The following KCNU1 variants were observed in gnomAD, a reference collection of about 807,000 sequenced individuals.
KCNU1 encodes the protein potassium channel subfamily U member 1.
A neutral mutation model predicts 126.8 loss-of-function variants in KCNU1; 93 were observed. The ratio of observed to expected loss-of-function variants is 0.73; its 90% CI spans 0.62 to 0.87. KCNU1 has a LOEUF of 0.87. KCNU1 is among the 40% of genes least tolerant of loss of function. The pLI is 0.00. For synonymous variants in KCNU1, 523 were observed against 494.2 expected, an observed-to-expected ratio of 1.06 and a Z score of -0.77; for missense variants, 1,330 against 1,367.1, an observed-to-expected ratio of 0.97 and a Z score of 0.43.
intron 18 of KCNU1, among the ~76,000 whole-genome samples, chr8:36,848,081 CATACTTAT>C (rs1303548217): frequency 6.6e-6 from 1 of 152,190 alleles, no homozygotes; most frequent in East Asian, 1.9e-4. Context: ...TGATGTTAAA[CATACTTAT>C]ATACCATTTG....
chr8:36,864,323 A>G (rs1437392368), intron 18 of KCNU1, 81 bp from the exon 19 acceptor site: 3 of 878,428 alleles, frequency 3.4e-6, no homozygotes, highest in Non-Finnish European at 3.9e-6. Flanking sequence ...AGGGTCTATA[A>G]ATGGCTCAGC....
At chr8:36,788,124 C>T (rs1041034097) in intron 2 of KCNU1, among the ~76,000 whole-genome samples, 1 of 151,904 alleles carries the variant, frequency 6.6e-6, no homozygotes, top group Admixed American at 6.6e-5. Flanking sequence ...TTTAGTGTCC[C>T]TCTATGATAT....
rs777401369 is a variant in KCNU1 at position 36,933,042 on chromosome 8, C to T, written c.3044+10C>T. On this transcript the variant is annotated intron_variant, in intron 26 of 26. Coordinates refer to ENST00000399881, the MANE Select transcript of KCNU1 (RefSeq NM_001031836.3). Reference sequence around the variant, plus strand: ...ACCCAGAAAACAAAAGGGGAGTGTGCTAGATTGGAAAGCACCATCCACCCA... The same window carrying T: ...ACCCAGAAAACAAAAGGGGAGTGTGTTAGATTGGAAAGCACCATCCACCCA... The T allele has an allele frequency of 6.1e-6, 9 of 1,478,160 alleles. No homozygotes were observed. The highest frequency in any genetic ancestry group is 8.3e-6 in the Non-Finnish European group (9 of 1,079,138). 91.6% of individuals were successfully genotyped at this position (1,478,160 alleles called of 1,614,324 possible).
At chr8:36,787,270 C>G (rs145661283) in intron 1 of KCNU1, 36 bp from the exon 2 acceptor site, 203 of 1,567,338 alleles carry the variant, frequency 1.3e-4, no homozygotes, top group Non-Finnish European at 1.7e-4. Flanking sequence ...CTCTCAGATC[C>G]AGCTCACATT....
At chr8:36,926,003 A>G (rs1808518401) in intron 24 of KCNU1, among the ~76,000 whole-genome samples, 1 of 152,066 alleles carries the variant, frequency 6.6e-6, no homozygotes, top group Non-Finnish European at 1.5e-5. Context: ...ACCTTTTCCT[A>G]CATAGATCTC....
chr8:36,792,898 G>A (rs776247599), intron 2 of KCNU1, among the ~76,000 whole-genome samples: 4 of 151,930 alleles, frequency 2.6e-5, no homozygotes, highest in Admixed American at 6.6e-5. Flanking sequence ...ATCTATAAAC[G>A]TAAACCATGA....
intron 19 of KCNU1, among the ~76,000 whole-genome samples, chr8:36,900,856 A>G (rs757584038): frequency 4.3e-4 from 66 of 152,226 alleles, no homozygotes; most frequent in Admixed American, 1.2e-3. Context: ...CTGGACACAC[A>G]AATGCTTTTC....
chr8:36,922,008 C>T (rs1233825565), intron 23 of KCNU1, among the ~76,000 whole-genome samples: 6 of 152,168 alleles, frequency 3.9e-5, no homozygotes, highest in Non-Finnish European at 8.8e-5. Flanking sequence ...ATGTGCATTA[C>T]ATTTTGAAAG....
intron 7 of KCNU1, among the ~76,000 whole-genome samples, chr8:36,811,352 G>A (rs931422635): frequency 1.3e-5 from 2 of 151,960 alleles, no homozygotes; most frequent in African/African-American, 4.8e-5. Context: ...GACGTCCTGG[G>A]ATAAAAAAGA....
At chr8:36,835,715 C>T (rs1167037039) in intron 12 of KCNU1, among the ~76,000 whole-genome samples, 1 of 152,066 alleles carries the variant, frequency 6.6e-6, no homozygotes, top group Non-Finnish European at 1.5e-5. Flanking sequence ...CTAGCAAGAA[C>T]GTGACTTGTG....
Position 36,814,671 on chromosome 8 carries a change from A to G in KCNU1, c.903+294A>G, listed in dbSNP as rs139789407. ...ACCTATCTTCCTTCATAGTTTGCCC[A>G]TCAACTTAAAGTCTTTCTTCTAAAG... On this transcript the variant is annotated intron_variant, in intron 8 of 26. Coordinates refer to ENST00000399881, the MANE Select transcript of KCNU1 (RefSeq NM_001031836.3). Among the ~76,000 whole-genome samples, 55 of 152,334 alleles carry G rather than the reference A, an allele frequency of 3.6e-4. No individual in the cohort carries two copies. In the East Asian group the frequency reaches 8.3e-3, roughly 23 times the overall value.
At chr8:36,833,050 T>C (rs1333727926) in intron 10 of KCNU1, among the ~76,000 whole-genome samples, 7 of 152,278 alleles carry the variant, frequency 4.6e-5, no homozygotes, top group Non-Finnish European at 1.0e-4. Context: ...TTGTAATGTG[T>C]TGAGGCTTTC....
intron 26 of KCNU1, among the ~76,000 whole-genome samples, chr8:36,935,121 A>G (rs1274892763): frequency 2.6e-5 from 4 of 152,078 alleles, no homozygotes; most frequent in Non-Finnish European, 5.9e-5. Context: ...TCATGAGTAT[A>G]GTGTCTTTTA....
At chr8:36,836,475 T>C in intron 13 of KCNU1, 110 bp downstream of exon 13, 4 of 740,682 alleles carry the variant, frequency 5.4e-6, no homozygotes. Flanking sequence ...TAATCATAGG[T>C]AAAATTTGGA....
At chr8:36,927,065 C>A (rs1585577418) in intron 24 of KCNU1, among the ~76,000 whole-genome samples, 1 of 152,214 alleles carries the variant, frequency 6.6e-6, no homozygotes, top group Non-Finnish European at 1.5e-5. Context: ...CTCCACCGCC[C>A]CTAATAAACA....
Position 36,807,438 on chromosome 8 carries a change from C to A in KCNU1, c.644C>A (p.Ala215Asp), listed in dbSNP as rs1416954892. 1 of 1,611,824 alleles carries A rather than the reference C, an allele frequency of 6.2e-7. No individual in the cohort carries two copies. Among genetic ancestry groups the A allele is most frequent in the South Asian group, 1.1e-5 (1 of 91,050 alleles). Residue 215 changes from alanine to aspartate, a missense_variant, in exon 6 of 27, where the codon GCC becomes GAC. By Grantham distance (126) the Ala-to-Asp change is moderately radical. This residue lies in a region of KCNU1 where 247 missense variants were observed against 255.4 expected (regional missense o/e 0.97). Transcript: ENST00000399881. ...ELPQILQILR[A>D]IKTSNSVKFS... The stretch of plus-strand genomic sequence containing the variant: ...CCTCAAATCTTGCAAATTCTACGAG[C>A]CATCAAGACCAGGTAAATAGCCCTG...
chr8:36,908,641 A>T, intron 20 of KCNU1, among the ~76,000 whole-genome samples: 1 of 151,068 alleles, frequency 6.6e-6, no homozygotes, highest in East Asian at 2.0e-4. Context: ...CAATGAGAAC[A>T]CTTGGACACA....
intron 19 of KCNU1, among the ~76,000 whole-genome samples, chr8:36,883,194 A>G (rs996044578): frequency 3.3e-5 from 5 of 152,174 alleles, no homozygotes; most frequent in African/African-American, 4.8e-5. Context: ...CCAGCCATCA[A>G]TGTTCTCTCA....
intron 26 of KCNU1, among the ~76,000 whole-genome samples, chr8:36,934,515 A>G (rs1808797096): frequency 6.6e-6 from 1 of 152,096 alleles, no homozygotes; most frequent in South Asian, 2.1e-4. Context: ...CTCTTGCAAC[A>G]TGATAACTGG....
Sources: gnomAD v4.1 joint callset for allele counts (sites outside exome capture counted in the v4.1 genomes callset) on GRCh38, gnomAD v4.1.1 for gene constraint, gnomAD v4.1.1 regional missense constraint, MANE v1.5 for transcripts, NCBI Gene and HGNC (gene_info 2026-07-23, HGNC 2026-07-21) for gene names.